The following ZRANB2 variants were observed in gnomAD, a reference collection of about 807,000 sequenced individuals.
The protein encoded by ZRANB2 is zinc finger RANBP2-type containing 2, also known as zinc finger Ran-binding domain-containing protein 2.
Under a neutral mutation model 53.4 loss-of-function variants are expected in ZRANB2, and 19 were observed. That is an observed-to-expected ratio of 0.36 (90% CI 0.25 to 0.52). The LOEUF (loss-of-function observed/expected upper bound fraction) is 0.52, where lower values mean the gene tolerates loss of function less well. Ranked by LOEUF, ZRANB2 falls within the 20% of genes least tolerant of loss-of-function variation. The pLI, the probability that ZRANB2 is intolerant of heterozygous loss-of-function variation, is 0.93. For missense variants in ZRANB2, 309 were observed against 401.1 expected (o/e 0.77, Z 1.96); for synonymous variants, 145 against 134.8 (o/e 1.08, Z -0.52).
chr1:71,076,213 T>C lies in ZRANB2; in HGVS notation c.301+582A>G, dbSNP rs148294723. Among the ~76,000 whole-genome samples the C allele has an allele frequency of 5.9e-5, 9 of 152,290 alleles. No homozygotes were observed. In the East Asian group the frequency reaches 1.7e-3, roughly 29 times the overall value. ...AAACTATATGCTATTAGGTAAACAT[T>C]TTCATTTCACCAGTAACATACAAAG... On this transcript the variant is annotated intron_variant, in intron 4 of 9. Transcript: ENST00000370920.
At chr1:71,080,610 T>C (rs945851703) in intron 1 of ZRANB2, among the ~76,000 whole-genome samples, 2 of 120,492 alleles carry the variant, frequency 1.7e-5, no homozygotes, top group Non-Finnish European at 3.2e-5. Flanking sequence ...CAAGCTGGCC[T>C]GACTGGAGAG....
Position 71,063,737 on chromosome 1 carries a change from C to G in ZRANB2, c.*1337G>C, listed in dbSNP as rs1661357166. On this transcript the variant is annotated 3_prime_UTR_variant, in exon 10 of 10. Transcript: ENST00000370920. ...AGATATCTTGCTTTCATTTTTAGAT[C>G]AGCTGAAGAGAAAAACATTCACTTT... is the stretch of plus-strand genomic sequence containing the variant. The G allele has an allele frequency of 6.6e-6, 1 of 152,306 alleles. No homozygotes were observed. The highest frequency in any genetic ancestry group is 6.6e-5 in the Admixed American group (1 of 15,236). 9.4% of individuals were successfully genotyped at this position (152,306 alleles called of 1,614,324 possible).
intron 7 of ZRANB2, among the ~76,000 whole-genome samples, chr1:71,069,917 C>A (rs574721025): frequency 6.6e-6 from 1 of 152,092 alleles, no homozygotes; most frequent in South Asian, 2.1e-4. Context: ...AGACATGGTT[C>A]GTACAAATTT....
intron 1 of ZRANB2, among the ~76,000 whole-genome samples, chr1:71,079,414 T>C (rs760181595): frequency 6.6e-5 from 10 of 152,164 alleles, no homozygotes; most frequent in Non-Finnish European, 1.3e-4. Context: ...TACGTGTATA[T>C]TGGTAAAAGT....
chr1:71,065,161 AG>A, intron 9 of ZRANB2, 24 bp from the exon 10 acceptor site: 1 of 1,571,652 alleles, frequency 6.4e-7, no homozygotes, highest in South Asian at 1.1e-5. Context: ...TGGAGAGAGT[AG>A]GCATTCTAGT....
chr1:71,080,818 C>G, intron 1 of ZRANB2, 122 bp downstream of exon 1: 2 of 1,126,942 alleles, frequency 1.8e-6, no homozygotes, highest in Non-Finnish European at 2.7e-6. Flanking sequence ...AGGGAACTGG[C>G]GGTTCGCCGC....
intron 7 of ZRANB2, 180 bp from the exon 8 acceptor site, chr1:71,069,542 TA>T (rs1209403269): frequency 1.6e-4 from 68 of 427,770 alleles, no homozygotes; most frequent in Non-Finnish European, 2.6e-4. Context: ...AAAAGGTAAT[TA>T]AAAAAATATC....
intron 3 of ZRANB2, 63 bp downstream of exon 3, chr1:71,078,394 A>C: frequency 2.9e-6 from 4 of 1,402,700 alleles, no homozygotes; most frequent in Non-Finnish European, 4.0e-6. Context: ...CTGTAATATA[A>C]ACAAGTAGTG....
At chr1:71,068,182 T>C (rs1169986877) in intron 8 of ZRANB2, among the ~76,000 whole-genome samples, 2 of 152,160 alleles carry the variant, frequency 1.3e-5, no homozygotes, top group African/African-American at 4.8e-5. Context: ...CTATTTCTTA[T>C]TGGCTTATAA....
At chr1:71,079,469 G>A (rs1472405741) in intron 1 of ZRANB2, among the ~76,000 whole-genome samples, 3 of 152,130 alleles carry the variant, frequency 2.0e-5, no homozygotes, top group African/African-American at 7.2e-5. Flanking sequence ...ACTTTAAAAA[G>A]CTGATTTTTA....
rs144217678 is a variant in ZRANB2, at chr1:71,069,291, C to T, written c.755G>A (p.Arg252His). 30 of 1,611,614 alleles carry T rather than the reference C, an allele frequency of 1.9e-5. No individual in the cohort carries two copies. The highest frequency in any genetic ancestry group is 2.2e-5 in the South Asian group (2 of 90,834). Residue 252 changes from arginine to histidine, a missense_variant, in exon 8 of 10, where the codon CGT (arginine) becomes CAT (histidine). By Grantham distance (29) the Arg-to-His change is conservative (BLOSUM62 0). Around this residue, in one of 3 missense-constraint regions of ZRANB2, gnomAD observed 211 missense variants for 196.1 expected, o/e 1.08. Transcript: ENST00000370920. ...CCTCATTCACCTTGATTTCGACCCACGAGATCTCGAACGTTCTCTGGAACT... is the reference window on the plus strand; with the variant it reads ...CCTCATTCACCTTGATTTCGACCCATGAGATCTCGAACGTTCTCTGGAACT... ...RSSSRERSRS[R>H]GSKSRSSSRS...
At position 71,076,695 on chromosome 1, in the gene ZRANB2, C is replaced by T. The variant is rs1661718200; in HGVS notation, c.301+100G>A. ...ACATTCAGGGCAGAATAAACAGAAT[C>T]CTCACTTACTGTGGCTCTTACTCGA... On this transcript the variant is annotated intron_variant, in intron 4 of 9. Transcript: ENST00000370920. The T allele has an allele frequency of 1.5e-5, 13 of 873,590 alleles. No individual in the cohort carries two copies. The South Asian group carries it at 1.8e-4, about 12-fold the overall frequency. The allele number at this position is 873,590 out of a possible 1,614,324, so 54.1% of individuals were successfully genotyped here. A position where few individuals can be genotyped will look rare whatever the true frequency, so the allele number is the denominator to read the frequency against.
At position 71,063,879 on chromosome 1, in the gene ZRANB2, A is replaced by G. The variant is rs757324276; in HGVS notation, c.*1195T>C. ...AAAAAAAACAAGAAATCAATATCCC[A>G]TAACAAAAAGCCCCCAAGCACAACT... On this transcript the variant is annotated 3_prime_UTR_variant, in exon 10 of 10. Transcript: ENST00000370920. The G allele has an allele frequency of 3.9e-5, 6 of 152,410 alleles. No homozygotes were observed. Among genetic ancestry groups the G allele is most frequent in the Non-Finnish European group, 7.4e-5 (5 of 67,854 alleles). 9.4% of individuals were successfully genotyped at this position (152,410 alleles called of 1,614,324 possible).
In ZRANB2 at chr1:71,070,996, C is replaced by CCTCAT; in HGVS notation, c.514-1_514insATGAG (p.Asp172MetfsTer169). The CCTCAT allele has an allele frequency of 6.4e-7, 1 of 1,551,164 alleles. No individual in the cohort carries two copies. The highest frequency in any genetic ancestry group is 8.7e-7 in the Non-Finnish European group (1 of 1,152,886). On this transcript the variant is annotated frameshift_variant and splice_region_variant. Coordinates refer to ENST00000370920, the MANE Select transcript of ZRANB2 (RefSeq NM_203350.3). LOFTEE classifies it high-confidence loss of function. ...AGATCAGCGTCATCTTCATCCTCAT[C>CCTCAT]CTAACAAAAATTCAATTATAATTAG...
At chr1:71,080,814 C>G in intron 1 of ZRANB2, 126 bp downstream of exon 1, 11 of 1,087,276 alleles carry the variant, frequency 1.0e-5, no homozygotes, top group Non-Finnish European at 1.5e-5. Flanking sequence ...CGCCAGGGAA[C>G]TGGCGGTTCG....
intron 7 of ZRANB2, 73 bp from the exon 8 acceptor site, chr1:71,069,435 A>T (rs1661546605): frequency 1.8e-6 from 2 of 1,094,986 alleles, no homozygotes; most frequent in Non-Finnish European, 1.4e-6. Context: ...CACTGAAAGA[A>T]AGATATGTAT....
At chr1:71,072,288 C>T in intron 5 of ZRANB2, 33 bp from the exon 6 acceptor site, 1 of 1,576,306 alleles carries the variant, frequency 6.3e-7, no homozygotes. Flanking sequence ...TGCTTGTCAG[C>T]TGATAATGCA....
intron 6 of ZRANB2, among the ~76,000 whole-genome samples, chr1:71,071,702 C>G (rs1480496686): frequency 6.6e-6 from 1 of 152,096 alleles, no homozygotes; most frequent in Non-Finnish European, 1.5e-5. Context: ...ATTTGCTGTT[C>G]TCTGCCTAAA....
In ZRANB2 at chr1:71,066,839, C is replaced by G. The variant is rs139887701; in HGVS notation, c.866G>C (p.Arg289Pro). The G allele has an allele frequency of 1.9e-6, 3 of 1,612,448 alleles. No homozygotes were observed. Among genetic ancestry groups the G allele is most frequent in the Non-Finnish European group, 2.5e-6 (3 of 1,179,478 alleles). Residue 289 changes from arginine to proline, a missense_variant, in exon 9 of 10, where the codon CGT (arginine) becomes CCT (proline). Arg to Pro is a moderately radical substitution (Grantham distance 103). Around this residue, in one of 3 missense-constraint regions of ZRANB2, gnomAD observed 211 missense variants for 196.1 expected, o/e 1.08. Transcript: ENST00000370920. ...ATCACCAGATGAAGAAGATCTAGAA[C>G]GACTTCTCTTTCTGTTCCTCTCAGG... is the stretch of plus-strand genomic sequence containing the variant. ...SSPERNRKRS[R>P]SRSSSSGDRK...
Sources: gnomAD v4.1 joint callset for allele counts (sites outside exome capture counted in the v4.1 genomes callset) on GRCh38, gnomAD v4.1.1 for gene constraint, gnomAD v4.1.1 regional missense constraint, MANE v1.5 for transcripts, NCBI Gene and HGNC (gene_info 2026-07-23, HGNC 2026-07-21) for gene names.